Variants in SP110 observed in about 807,000 individuals in gnomAD.
SP110 encodes interferon-induced protein 41, 30kD.
SP110 carries 62 observed loss-of-function variants against 92.7 expected under a neutral mutation model. That is an observed-to-expected ratio of 0.67 (90% CI 0.55 to 0.83). SP110 has a LOEUF of 0.83. SP110 is among the 40% of genes least tolerant of loss of function. The probability of loss-of-function intolerance (pLI) is 0.00; values close to 1 mark genes in which losing one functional copy is unlikely to be tolerated. For missense variants in SP110, 793 were observed against 863.9 expected, an observed-to-expected ratio of 0.92 and a Z score of 1.03; for synonymous variants, 273 against 305.3, an observed-to-expected ratio of 0.89 and a Z score of 1.10.
At chr2:230,204,609 T>A (rs1365820239) in intron 8 of SP110, among the ~76,000 whole-genome samples, 1 of 152,072 alleles carries the variant, frequency 6.6e-6, no homozygotes, top group East Asian at 1.9e-4. Flanking sequence ...TCTTTCATTT[T>A]TTTTTCATTA....
intron 12 of SP110, among the ~76,000 whole-genome samples, chr2:230,180,037 T>C (rs1016556549): frequency 6.6e-5 from 10 of 152,296 alleles, no homozygotes; most frequent in Admixed American, 1.3e-4. Context: ...GATGGAACCC[T>C]GCAGCCCCAG....
At chr2:230,217,966 G>A (rs1458956349) in intron 1 of SP110, among the ~76,000 whole-genome samples, 1 of 152,222 alleles carries the variant, frequency 6.6e-6, no homozygotes, top group Non-Finnish European at 1.5e-5. Context: ...TAGTAAAAGT[G>A]ACTTAACTGA....
Position 230,168,412 on chromosome 2 carries a change from A to AC in SP110, c.*711dup, listed in dbSNP as rs398105424. ...CTGACCAATAATTATGTAAAAAAAA[A>AC]CCTGAATCTCATCATTTTGCAACCT... On this transcript the variant is annotated 3_prime_UTR_variant, in exon 19 of 19. Coordinates refer to ENST00000258381, the MANE Select transcript of SP110 (RefSeq NM_080424.4). 5.3e-5 allele frequency: 8 copies of AC among 151,558 alleles called. No homozygotes were observed. Among genetic ancestry groups the AC allele is most frequent in the Admixed American group, 1.3e-4 (2 of 15,204 alleles). The allele number at this position is 151,558 out of a possible 1,614,324, so 9.4% of individuals were successfully genotyped here. A position where few individuals can be genotyped will look rare whatever the true frequency, so the allele number is the denominator to read the frequency against.
At chr2:230,205,494 T>C (rs533049859) in intron 8 of SP110, among the ~76,000 whole-genome samples, 1 of 152,322 alleles carries the variant, frequency 6.6e-6, no homozygotes, top group South Asian at 2.1e-4. Flanking sequence ...GAAATTATCT[T>C]GTTTATGTGC....
chr2:230,179,625 G>C (rs1190223024), intron 12 of SP110, among the ~76,000 whole-genome samples: 1 of 122,162 alleles, frequency 8.2e-6, no homozygotes, highest in Non-Finnish European at 1.8e-5. Context: ...GGGAAAGGCA[G>C]AGCTCCAGGT....
At position 230,212,440 on chromosome 2, in the gene SP110, G is replaced by A; in HGVS notation, c.584-10C>T. 7 of 1,586,524 alleles carry A rather than the reference G, an allele frequency of 4.4e-6. No homozygotes were observed. Among genetic ancestry groups the A allele is most frequent in the Non-Finnish European group, 6.1e-6 (7 of 1,154,732 alleles). On this transcript the variant is annotated splice_polypyrimidine_tract_variant and intron_variant, in intron 4 of 18. Coordinates refer to ENST00000258381, the MANE Select transcript of SP110 (RefSeq NM_080424.4). ...AACTTGTCATTGGTCACTGAAGGAG[G>A]AAAGGAAATTATTACAGATTGCAGG...
At chr2:230,172,537 T>C in intron 15 of SP110, 1 of 523,886 alleles carries the variant, frequency 1.9e-6, no homozygotes, top group African/African-American at 1.9e-5. Context: ...GTGAAATGTG[T>C]GACAAGCCGT....
rs2148751311 is a variant in SP110 at position 230,186,136 on chromosome 2, G to A, written c.1137C>T (p.Ala379=). The A allele has an allele frequency of 6.2e-7, 1 of 1,614,032 alleles. No individual in the cohort carries two copies. Among genetic ancestry groups the A allele is most frequent in the Non-Finnish European group, 8.5e-7 (1 of 1,179,950 alleles). ...STPRRVTQGA[A]SPGHGIQEKL... is the part of the protein sequence containing the mutation. ...TCTCTTGGATGCCATGCCCAGGTGAGGCTGCCCCTGGACCAAATAGACTTG... is the reference window on the plus strand; with the variant it reads ...TCTCTTGGATGCCATGCCCAGGTGAAGCTGCCCCTGGACCAAATAGACTTG... Residue 379 remains alanine, a synonymous_variant, in exon 11 of 19, where the codon GCC becomes GCT. Transcript: ENST00000258381.
At chr2:230,183,692 C>T (rs778251767) in intron 11 of SP110, 52 bp from the exon 12 acceptor site, 2 of 1,143,100 alleles carry the variant, frequency 1.7e-6, no homozygotes, top group Admixed American at 3.4e-5. Flanking sequence ...ATTTATAAGC[C>T]TCATAGGTTA....
At chr2:230,185,960 C>A in intron 11 of SP110, 34 bp downstream of exon 11, 1 of 1,598,164 alleles carries the variant, frequency 6.3e-7, no homozygotes, top group Non-Finnish European at 8.6e-7. Context: ...CTACATTGAG[C>A]TATTCAAATA....
At chr2:230,170,828 A>G in intron 17 of SP110, 67 bp from the exon 18 acceptor site, 1 of 1,508,502 alleles carries the variant, frequency 6.6e-7, no homozygotes, top group Non-Finnish European at 9.2e-7. Context: ...TCCAACTTAA[A>G]TACAATCCAA....
chr2:230,220,791 C>T (rs533311282), upstream of SP110, among the ~76,000 whole-genome samples: 1 of 152,126 alleles, frequency 6.6e-6, no homozygotes, highest in South Asian at 2.1e-4. Flanking sequence ...ATTGCTTGAG[C>T]CTAGGAGTTT....
rs7606916 is a variant in SP110 at position 230,202,589 on chromosome 2, C to T, written c.1038G>A (p.Ser346=). 3.1e-6 allele frequency: 5 copies of T among 1,614,004 alleles called. No individual in the cohort carries two copies. Among genetic ancestry groups the T allele is most frequent in the East Asian group, 2.2e-5 (1 of 44,892 alleles). ...QKARTECARK[S]RSEEIIDGTS... Reference sequence around the variant, plus strand: ...CATCATCAGCCTTACCCTCTGATCTCGACTTTCGGGCACATTCAGTTCTCG... The same window carrying T: ...CATCATCAGCCTTACCCTCTGATCTTGACTTTCGGGCACATTCAGTTCTCG... The change falls in exon 9 of 19, where the codon TCG becomes TCA. Residue 346 remains serine, a synonymous_variant. Transcript: ENST00000258381.
chr2:230,178,061 T>A, intron 13 of SP110, 96 bp downstream of exon 13: 1 of 782,290 alleles, frequency 1.3e-6, no homozygotes, highest in East Asian at 2.7e-5. Context: ...GCTAGCAGGG[T>A]CCATTTCCTG....
intron 10 of SP110, among the ~76,000 whole-genome samples, chr2:230,191,561 C>A (rs976640282): frequency 1.3e-4 from 20 of 152,094 alleles, no homozygotes; most frequent in East Asian, 7.7e-4. Context: ...TGGACACATA[C>A]ACCCTATCAA....
intron 1 of SP110, 64 bp from the exon 2 acceptor site, chr2:230,216,992 T>A: frequency 6.7e-7 from 1 of 1,483,312 alleles, no homozygotes; most frequent in Non-Finnish European, 9.2e-7. Flanking sequence ...ATGCCTGTAA[T>A]CCCGGCACTT....
chr2:230,185,870 C>T (rs41552512), intron 11 of SP110, 124 bp downstream of exon 11: 1 of 873,722 alleles, frequency 1.1e-6, no homozygotes, highest in African/African-American at 1.6e-5. Flanking sequence ...GTCTTCATGT[C>T]CCTCTTTTCT....
chr2:230,183,412 G>A lies in SP110; in HGVS notation c.1348+160C>T, dbSNP rs556460729. Among the ~76,000 whole-genome samples, 9 of 152,284 alleles carry A rather than the reference G, an allele frequency of 5.9e-5. No individual in the cohort carries two copies. In the South Asian group the frequency reaches 1.9e-3, roughly 32 times the overall value. On this transcript the variant is annotated intron_variant, in intron 12 of 18. Transcript: ENST00000258381. ...ATGCACAAGGGGGTGGGTTAGGCTG[G>A]CAGCACTCCTGATGCACCCAATTCA...
chr2:230,174,881 C>T (rs139579551), intron 14 of SP110, among the ~76,000 whole-genome samples: 3 of 152,208 alleles, frequency 2.0e-5, no homozygotes, highest in Non-Finnish European at 4.4e-5. Context: ...CATTCTCAGT[C>T]GGGTAAACCT....
Sources: gnomAD v4.1 joint callset for allele counts (sites outside exome capture counted in the v4.1 genomes callset) on GRCh38, gnomAD v4.1.1 for gene constraint, MANE v1.5 for transcripts, NCBI Gene and HGNC (gene_info 2026-07-23, HGNC 2026-07-21) for gene names.